Variants in ATXN1 observed in about 807,000 individuals in gnomAD.
ATXN1 encodes ataxin-1.
In ATXN1, 8 loss-of-function variants were observed where a neutral mutation model predicts 56.4. The ratio of observed to expected loss-of-function variants is 0.14; its 90% CI spans 0.08 to 0.26. ATXN1 has a LOEUF of 0.26. Among genes scored for constraint, ATXN1 ranks in the 10% least tolerant of loss-of-function variants. The pLI, the probability that ATXN1 is intolerant of heterozygous loss-of-function variation, is 1.00. For synonymous variants in ATXN1, 514 were observed against 494.6 expected, an observed-to-expected ratio of 1.04 and a Z score of -0.52; for missense variants, 987 against 1,106.5, an observed-to-expected ratio of 0.89 and a Z score of 1.53.
At chr6:16,717,932 C>G (rs1425383600) in intron 2 of ATXN1, among the ~76,000 whole-genome samples, 1 of 152,240 alleles carries the variant, frequency 6.6e-6, no homozygotes, top group Non-Finnish European at 1.5e-5. Context: ...GCCAAAGAAC[C>G]TGGTGCTTCA....
At position 16,341,941 on chromosome 6, in the gene ATXN1, G is replaced by C. The variant is rs1312330563; in HGVS notation, c.-160-13471C>G. On this transcript the variant is annotated intron_variant, in intron 6 of 7. Coordinates refer to ENST00000436367, the MANE Select transcript of ATXN1 (RefSeq NM_001128164.2). The stretch of plus-strand genomic sequence containing the variant: ...CTGTCACCCAGGCTGGTGTGCAATG[G>C]GTGCAGTCTCGGCTCACTGCACCTC... Among the ~76,000 whole-genome samples the C allele has an allele frequency of 4.9e-5, 7 of 142,754 alleles. No homozygotes were observed. The East Asian group carries it at 1.5e-3, about 30-fold the overall frequency. 93.7% of individuals were successfully genotyped at this position (142,754 alleles called of 152,430 possible).
intron 2 of ATXN1, among the ~76,000 whole-genome samples, chr6:16,688,996 G>A (rs1165501136): frequency 6.6e-6 from 1 of 151,916 alleles, no homozygotes; most frequent in African/African-American, 2.4e-5. Flanking sequence ...TATATAGTAT[G>A]AATATGTGCG....
At chr6:16,612,738 A>G (rs1763132325) in intron 3 of ATXN1, among the ~76,000 whole-genome samples, 1 of 151,980 alleles carries the variant, frequency 6.6e-6, no homozygotes, top group Non-Finnish European at 1.5e-5. Flanking sequence ...TAAAAATACA[A>G]AAATTAGCTG....
At chr6:16,712,798 C>G (rs1759554720) in intron 2 of ATXN1, among the ~76,000 whole-genome samples, 1 of 151,608 alleles carries the variant, frequency 6.6e-6, no homozygotes, top group African/African-American at 2.4e-5. Context: ...TGTGGCATCT[C>G]ATCACTGATA....
chr6:16,608,063 T>C (rs1763042001), intron 3 of ATXN1, among the ~76,000 whole-genome samples: 1 of 152,238 alleles, frequency 6.6e-6, no homozygotes, highest in African/African-American at 2.4e-5. Context: ...AATTGCTATG[T>C]GCTGAATGAC....
intron 7 of ATXN1, among the ~76,000 whole-genome samples, chr6:16,320,620 C>G (rs1414302161): frequency 6.6e-6 from 1 of 152,256 alleles, no homozygotes; most frequent in Non-Finnish European, 1.5e-5. Flanking sequence ...GGCTCCCCAG[C>G]TGGGGCCATC....
intron 2 of ATXN1, among the ~76,000 whole-genome samples, chr6:16,726,283 G>A (rs1009574724): frequency 6.6e-6 from 1 of 151,488 alleles, no homozygotes; most frequent in East Asian, 1.9e-4. Context: ...AGGTGGCTGA[G>A]GCAAGAGAAT....
intron 6 of ATXN1, among the ~76,000 whole-genome samples, chr6:16,411,885 C>T (rs1296193543): frequency 6.6e-6 from 1 of 152,158 alleles, no homozygotes; most frequent in Non-Finnish European, 1.5e-5. Flanking sequence ...TTAAGTTGTT[C>T]TTATTAATAT....
chr6:16,396,635 T>C (rs1457721363), intron 6 of ATXN1, among the ~76,000 whole-genome samples: 1 of 152,154 alleles, frequency 6.6e-6, no homozygotes, highest in Non-Finnish European at 1.5e-5. Flanking sequence ...AAGTGTACAG[T>C]CCTTATAAAG....
intron 4 of ATXN1, among the ~76,000 whole-genome samples, chr6:16,546,232 CA>C (rs1419489956): frequency 6.6e-6 from 1 of 152,206 alleles, no homozygotes; most frequent in Non-Finnish European, 1.5e-5. Flanking sequence ...TCAACAGTGA[CA>C]AACCATGGCT....
chr6:16,724,053 C>T (rs1000232729), intron 2 of ATXN1, among the ~76,000 whole-genome samples: 2 of 152,186 alleles, frequency 1.3e-5, no homozygotes, highest in Non-Finnish European at 2.9e-5. Flanking sequence ...ATTTAAATCT[C>T]TGCCTGTGTG....
intron 4 of ATXN1, among the ~76,000 whole-genome samples, chr6:16,542,606 G>A (rs958377111): frequency 6.6e-6 from 1 of 152,172 alleles, no homozygotes; most frequent in Non-Finnish European, 1.5e-5. Context: ...GGTGTTTGCA[G>A]CAGCCAAATA....
intron 3 of ATXN1, among the ~76,000 whole-genome samples, chr6:16,654,608 AG>A (rs1174977276): frequency 6.6e-6 from 1 of 150,816 alleles, no homozygotes; most frequent in Non-Finnish European, 1.5e-5. Flanking sequence ...CTGAGGATTC[AG>A]GGAAGACTTT....
chr6:16,372,287 G>C (rs1762054694), intron 6 of ATXN1, among the ~76,000 whole-genome samples: 1 of 152,084 alleles, frequency 6.6e-6, no homozygotes, highest in African/African-American at 2.4e-5. Flanking sequence ...AGAAAGAAGG[G>C]AAAAGGGAAA....
At chr6:16,724,302 T>C (rs3812218) in intron 2 of ATXN1, among the ~76,000 whole-genome samples, 44,665 of 151,392 alleles carry the variant, frequency 0.3, 6,760 homozygotes, top group East Asian at 0.39. Context: ...CAAAAGAATT[T>C]TTTAGGTGTC....
chr6:16,710,600 A>T (rs765827720), intron 2 of ATXN1, among the ~76,000 whole-genome samples: 41 of 152,190 alleles, frequency 2.7e-4, no homozygotes, highest in Admixed American at 5.9e-4. Context: ...TATTGTTATT[A>T]TTTTTGAGAC....
rs541722240 is a variant in ATXN1, at chr6:16,401,948, G to A, written c.-160-73478C>T. 3.3e-5 allele frequency among the ~76,000 whole-genome samples: 5 copies of A among 152,310 alleles called. No individual in the cohort carries two copies. The South Asian group carries it at 8.3e-4, about 25-fold the overall frequency. On this transcript the variant is annotated intron_variant, in intron 6 of 7. Transcript: ENST00000436367. ...TGGCTGAGGAAGCCTCTCAATCATG[G>A]TGGAAGGCAAGGAGGAGCAAGTCAC...
chr6:16,399,723 G>C (rs906587716), intron 6 of ATXN1, among the ~76,000 whole-genome samples: 1 of 152,092 alleles, frequency 6.6e-6, no homozygotes, highest in Admixed American at 6.6e-5. Flanking sequence ...AGCATCCAGC[G>C]CATAGAGGCC....
intron 2 of ATXN1, among the ~76,000 whole-genome samples, chr6:16,716,437 T>G (rs919876882): frequency 6.6e-6 from 1 of 152,184 alleles, no homozygotes; most frequent in Non-Finnish European, 1.5e-5. Context: ...ACAAATACAC[T>G]AGGAACTGGA....
Sources: allele counts gnomAD v4.1 joint callset (sites outside exome capture counted in the v4.1 genomes callset), GRCh38; gene constraint gnomAD v4.1.1; transcripts MANE v1.5; gene names NCBI Gene and HGNC (gene_info 2026-07-23, HGNC 2026-07-21).